The following CFAP74 variants were observed in gnomAD, a reference collection of about 807,000 sequenced individuals.
CFAP74 encodes the protein cilia- and flagella-associated protein 74.
A neutral mutation model predicts 188.9 loss-of-function variants in CFAP74; 124 were observed. That is an observed-to-expected ratio of 0.66 (90% CI 0.57 to 0.76). The LOEUF is 0.76. Among genes scored for constraint, CFAP74 ranks in the 30% least tolerant of loss-of-function variants. CFAP74 has a pLI of 0.00. For missense variants in CFAP74, 2,198 were observed against 2,165.2 expected (o/e 1.02, Z -0.30); for synonymous variants, 956 against 916.7 (o/e 1.04, Z -0.77).
chr1:1,999,366 G>C (rs6605082), intron 1 of CFAP74, among the ~76,000 whole-genome samples: 51,790 of 152,016 alleles, frequency 0.34, 9,867 homozygotes, highest in African/African-American at 0.52. Flanking sequence ...TTAAAGACTC[G>C]TATGGGAAAA....
At chr1:1,948,620 A>C (rs1570888987) in intron 18 of CFAP74, among the ~76,000 whole-genome samples, 4 of 109,568 alleles carry the variant, frequency 3.7e-5, no homozygotes, top group African/African-American at 3.7e-5. Flanking sequence ...GCAGGGTCTC[A>C]CTCTGTCACC....
chr1:1,969,711 C>A (rs1396881789), intron 10 of CFAP74, among the ~76,000 whole-genome samples: 1 of 152,240 alleles, frequency 6.6e-6, no homozygotes, highest in Non-Finnish European at 1.5e-5. Flanking sequence ...GACCCCCCCG[C>A]CCAGGTGGGC....
At position 1,923,421 on chromosome 1, in the gene CFAP74, C is replaced by T. The variant is rs546997469; in HGVS notation, c.4468G>A (p.Val1490Met). ...MFVEGGDPLDVPVESLTAIPV... is the reference protein window; with the variant it reads ...MFVEGGDPLDMPVESLTAIPV... Reference sequence around the variant, plus strand: ...ATCGCTGTCAGAGACTCCACGGGCACGTCCAGGGGGTCGCCGCCCTCCACG... The same window carrying T: ...ATCGCTGTCAGAGACTCCACGGGCATGTCCAGGGGGTCGCCGCCCTCCACG... Residue 1490 changes from valine (V) to methionine (M), a missense_variant, in exon 36 of 39, where the codon GTG (valine) becomes ATG (methionine). Coordinates refer to ENST00000682832, the MANE Select transcript of CFAP74 (RefSeq NM_001304360.2). The surrounding 1 kb of genome is among the most constrained non-coding windows in gnomAD (Gnocchi z 6.3). 1.6e-5 allele frequency: 25 copies of T among 1,602,244 alleles called. No individual in the cohort carries two copies. The highest frequency in any genetic ancestry group is 9.0e-5 in the East Asian group (4 of 44,526).
chr1:1,976,573 T>C (rs28588807), intron 6 of CFAP74, among the ~76,000 whole-genome samples: 46,002 of 151,928 alleles, frequency 0.3, 7,212 homozygotes, highest in Non-Finnish European at 0.34. Context: ...AAATGAGTCT[T>C]GCTCTCTCCG....
chr1:1,922,523 G>A, intron 38 of CFAP74, 66 bp downstream of exon 38: 1 of 1,585,684 alleles, frequency 6.3e-7, no homozygotes, highest in Non-Finnish European at 8.6e-7. Context: ...GACTGGGCAG[G>A]GGTGTCAGCC....
intron 18 of CFAP74, among the ~76,000 whole-genome samples, chr1:1,949,060 CTTCCTTCCT>C (rs1654029797): frequency 8.6e-6 from 1 of 116,160 alleles, no homozygotes; most frequent in Non-Finnish European, 1.8e-5. Flanking sequence ...CCTTTCCTTC[CTTCCTTCCT>C]TTCCTTTCCC....
chr1:1,927,110 A>G, intron 28 of CFAP74, 82 bp from the exon 29 acceptor site: 2 of 1,397,242 alleles, frequency 1.4e-6, no homozygotes, highest in Admixed American at 2.3e-5. Context: ...GCTCTGCCTC[A>G]GGGTCCCAGG....
chr1:1,934,758 T>C (rs1248298020), intron 25 of CFAP74, among the ~76,000 whole-genome samples: 3 of 139,014 alleles, frequency 2.2e-5, no homozygotes, highest in African/African-American at 8.2e-5. Flanking sequence ...TGTTAGGTTG[T>C]AGGTACACAC....
At chr1:1,976,542 T>G (rs1297122224) in intron 6 of CFAP74, among the ~76,000 whole-genome samples, 2 of 152,136 alleles carry the variant, frequency 1.3e-5, no homozygotes, top group African/African-American at 4.8e-5. Flanking sequence ...ACCTCTTTTC[T>G]TCTTATTTTT....
chr1:1,990,869 C>T (rs777125969), intron 2 of CFAP74, 21 bp downstream of exon 2: 2 of 1,598,600 alleles, frequency 1.3e-6, no homozygotes, highest in South Asian at 1.1e-5. Context: ...ACTTCCGTTA[C>T]TGTGAAAGAA....
intron 1 of CFAP74, among the ~76,000 whole-genome samples, chr1:1,994,007 T>TA (rs1329584110): frequency 6.0e-5 from 9 of 149,644 alleles, no homozygotes; most frequent in South Asian, 2.1e-4. Flanking sequence ...AAAATAAAAA[T>TA]AAAAAAATGT....
chr1:1,937,230 C>T (rs1652963881), intron 25 of CFAP74, among the ~76,000 whole-genome samples: 1 of 152,226 alleles, frequency 6.6e-6, no homozygotes, highest in South Asian at 2.1e-4. Context: ...GGCGTTAGCG[C>T]CCTGGGGAAG....
rs751736348 is a variant in CFAP74 at position 1,966,480 on chromosome 1, A to C, written c.1292T>G (p.Val431Gly). The C allele has an allele frequency of 1.2e-6, 2 of 1,600,226 alleles. No homozygotes were observed. The highest frequency in any genetic ancestry group is 4.5e-5 in the East Asian group (2 of 43,968). ...CCCCTGGATAAGCTCACTGGAAACG[A>C]CTTCCAGCAACCGAGAGGGCCCGGG... is the stretch of plus-strand genomic sequence containing the variant. ...AGPGPSRLLE[V>G]VSSELIQGDP... is the part of the protein sequence containing the mutation. The change falls in exon 12 of 39, where the codon GTC becomes GGC. Residue 431 changes from valine (V) to glycine (G), a missense_variant. Physicochemically the swap from Val to Gly is moderately radical, Grantham distance 109 (BLOSUM62 -3). Coordinates refer to ENST00000682832, the MANE Select transcript of CFAP74 (RefSeq NM_001304360.2).
Position 1,968,069 on chromosome 1 carries a change from TGAGTGAATGAGTAAA to T in CFAP74, c.1245+551_1245+565del, listed in dbSNP as rs1655607049. Among the ~76,000 whole-genome samples, 1 of 151,964 alleles carries T rather than the reference TGAGTGAATGAGTAAA, an allele frequency of 6.6e-6. No individual in the cohort carries two copies. The highest frequency in any genetic ancestry group is 2.4e-5 in the African/African-American group (1 of 41,344). Reference sequence around the variant, plus strand: ...GTGTATCAGTGAGTGAGTGAATGAATGAGTGAATGAGTAAAGAGTGAATGAGTGAATGAATGAGTG... The same window carrying T: ...GTGTATCAGTGAGTGAGTGAATGAATGAGTGAATGAGTGAATGAATGAGTG... On this transcript the variant is annotated intron_variant, in intron 11 of 38. Transcript: ENST00000682832. This position sits in a 1 kb window ranked among gnomAD's most constrained non-coding sequence, Gnocchi z 4.3.
Position 1,923,399 on chromosome 1 carries a change from G to T in CFAP74, c.4490C>A (p.Ala1497Glu). Residue 1497 changes from alanine to glutamate, a missense_variant, in exon 36 of 39, where the codon GCG becomes GAG. By Grantham distance (107) the Ala-to-Glu change is moderately radical. Transcript: ENST00000682832. The surrounding 1 kb of genome is among the most constrained non-coding windows in gnomAD (Gnocchi z 6.3). ...GTGCCTGGGGTCAAATACAGGGATC[G>T]CTGTCAGAGACTCCACGGGCACGTC... ...PLDVPVESLTAIPVFDPRHRE... is the reference protein window; with the variant it reads ...PLDVPVESLTEIPVFDPRHRE... The T allele has an allele frequency of 6.3e-7, 1 of 1,592,214 alleles. No individual in the cohort carries two copies. The highest frequency in any genetic ancestry group is 1.1e-5 in the South Asian group (1 of 87,974).
chr1:1,922,266 G>T lies in CFAP74; in HGVS notation c.*21C>A. The T allele has an allele frequency of 2.5e-6, 4 of 1,592,194 alleles. No homozygotes were observed. The highest frequency in any genetic ancestry group is 3.4e-6 in the Non-Finnish European group (4 of 1,163,600). On this transcript the variant is annotated 3_prime_UTR_variant, in exon 39 of 39. Coordinates refer to ENST00000682832, the MANE Select transcript of CFAP74 (RefSeq NM_001304360.2). ...GCTTTGAGGGTGGACAGGAGGGCCC[G>T]AGGGTGCTCTGTGCAGAGGCTTAGG...
At chr1:1,998,182 G>A (rs1658014730) in intron 1 of CFAP74, among the ~76,000 whole-genome samples, 1 of 152,136 alleles carries the variant, frequency 6.6e-6, no homozygotes, top group South Asian at 2.1e-4. Flanking sequence ...GGAGGCTGAG[G>A]CAGAAGAATC....
chr1:1,985,548 T>A (rs1657181402), intron 5 of CFAP74, 58 bp from the exon 6 acceptor site: 1 of 1,389,246 alleles, frequency 7.2e-7, no homozygotes, highest in Non-Finnish European at 1.0e-6. Context: ...CCAGGGGCCA[T>A]CCAGGTTCAC....
chr1:1,933,944 G>A (rs1652615948), intron 25 of CFAP74, among the ~76,000 whole-genome samples: 1 of 152,166 alleles, frequency 6.6e-6, no homozygotes, highest in South Asian at 2.1e-4. Context: ...GTGCTGCTCT[G>A]ACAGCCCGCA....
Sources: allele counts gnomAD v4.1 joint callset (sites outside exome capture counted in the v4.1 genomes callset), GRCh38; gene constraint gnomAD v4.1.1; non-coding constraint Gnocchi (gnomAD v3.1); transcripts MANE v1.5; gene names NCBI Gene and HGNC (gene_info 2026-07-23, HGNC 2026-07-21).